Variants in ADAMTS6 observed in about 807,000 individuals in gnomAD.
ADAMTS6 encodes the protein A disintegrin and metalloproteinase with thrombospondin motifs 6.
Under a neutral mutation model 144.3 loss-of-function variants are expected in ADAMTS6, and 23 were observed. The ratio of observed to expected loss-of-function variants is 0.16; its 90% CI spans 0.11 to 0.23. ADAMTS6 has a LOEUF of 0.23. Ranked by LOEUF, ADAMTS6 falls within the 10% of genes least tolerant of loss-of-function variation. The probability of loss-of-function intolerance (pLI) is 1.00; values close to 1 mark genes in which losing one functional copy is unlikely to be tolerated. For synonymous variants in ADAMTS6, 444 were observed against 457.5 expected, an observed-to-expected ratio of 0.97 and a Z score of 0.38; for missense variants, 999 against 1,379.6, an observed-to-expected ratio of 0.72 and a Z score of 4.37.
At chr5:65,181,466 C>G (rs1470818297) in intron 22 of ADAMTS6, among the ~76,000 whole-genome samples, 3 of 152,138 alleles carry the variant, frequency 2.0e-5, no homozygotes, top group African/African-American at 7.2e-5. Context: ...TAAAGATGAA[C>G]AGTTCAGAAA....
At chr5:65,194,570 C>A (rs959777479) in intron 21 of ADAMTS6, among the ~76,000 whole-genome samples, 1 of 152,148 alleles carries the variant, frequency 6.6e-6, no homozygotes, top group Non-Finnish European at 1.5e-5. Context: ...CACCACAAGT[C>A]AAGCATATAT....
At chr5:65,175,261 GGAGA>G (rs372773284) in intron 22 of ADAMTS6, among the ~76,000 whole-genome samples, 201 of 148,456 alleles carry the variant, frequency 1.4e-3, no homozygotes, top group Middle Eastern at 3.4e-3. Flanking sequence ...AGGGAGTCAA[GGAGA>G]GAGAGAGAGA....
At chr5:65,277,883 AC>A (rs1762678921) in intron 11 of ADAMTS6, among the ~76,000 whole-genome samples, 1 of 152,042 alleles carries the variant, frequency 6.6e-6, no homozygotes, top group Admixed American at 6.6e-5. Flanking sequence ...GTTTTTTGTT[AC>A]ATGGATGAAT....
intron 7 of ADAMTS6, among the ~76,000 whole-genome samples, chr5:65,365,618 G>A (rs1213308305): frequency 6.7e-6 from 1 of 149,854 alleles, no homozygotes; most frequent in Non-Finnish European, 1.5e-5. Context: ...TTGCACTCCA[G>A]CCTGGGCAAC....
chr5:65,261,842 A>G (rs1761221925), intron 13 of ADAMTS6, among the ~76,000 whole-genome samples: 1 of 152,182 alleles, frequency 6.6e-6, no homozygotes, highest in Non-Finnish European at 1.5e-5. Context: ...AGAGTAAAAG[A>G]AAAGAAAAAA....
At chr5:65,321,148 C>G (rs992155704) in intron 9 of ADAMTS6, among the ~76,000 whole-genome samples, 2 of 152,166 alleles carry the variant, frequency 1.3e-5, no homozygotes, top group Non-Finnish European at 2.9e-5. Flanking sequence ...AATGGCTGAA[C>G]TAATTTACAC....
intron 7 of ADAMTS6, among the ~76,000 whole-genome samples, chr5:65,389,162 C>T (rs1406571516): frequency 1.3e-5 from 2 of 151,978 alleles, no homozygotes; most frequent in African/African-American, 4.8e-5. Flanking sequence ...TGAGATCGCG[C>T]CACTGCACTC....
At chr5:65,244,890 A>C (rs1759498235) in intron 14 of ADAMTS6, among the ~76,000 whole-genome samples, 1 of 152,198 alleles carries the variant, frequency 6.6e-6, no homozygotes, top group African/African-American at 2.4e-5. Flanking sequence ...TGGCCCTGTC[A>C]TTAACCAGAT....
chr5:65,427,682 C>T (rs1402150420), intron 7 of ADAMTS6, among the ~76,000 whole-genome samples: 1 of 151,454 alleles, frequency 6.6e-6, no homozygotes, highest in Non-Finnish European at 1.5e-5. Context: ...CCTGTAGTCC[C>T]AGCTACTTGG....
At chr5:65,480,143 C>T (rs1400462756) in intron 1 of ADAMTS6, among the ~76,000 whole-genome samples, 1 of 152,176 alleles carries the variant, frequency 6.6e-6, no homozygotes. Flanking sequence ...CACATCTAAA[C>T]ATTTCAGTCT....
intron 7 of ADAMTS6, among the ~76,000 whole-genome samples, chr5:65,437,105 T>TA (rs1267031911): frequency 2.6e-5 from 4 of 151,064 alleles, no homozygotes; most frequent in Non-Finnish European, 4.4e-5. Context: ...CCCATTTTTT[T>TA]TTTTTTTGAG....
In ADAMTS6 at chr5:65,352,478, T is replaced by A. The variant is rs180918614; in HGVS notation, c.1074-18393A>T. ...AGTGGGAAGGGACGGGGTAAGAAAC[T>A]GTTGCTTATCCCCATAATTATATAC... On this transcript the variant is annotated intron_variant, in intron 7 of 24. Transcript: ENST00000381055. Among the ~76,000 whole-genome samples the A allele has an allele frequency of 3.3e-5, 5 of 152,228 alleles. No homozygotes were observed. In the East Asian group the frequency reaches 7.7e-4, roughly 23 times the overall value.
At chr5:65,266,046 T>C (rs572707467) in intron 12 of ADAMTS6, among the ~76,000 whole-genome samples, 4 of 152,074 alleles carry the variant, frequency 2.6e-5, no homozygotes, top group African/African-American at 9.6e-5. Context: ...TCTTTGTATA[T>C]ACCTATGATT....
chr5:65,204,994 T>C (rs1295210162), intron 20 of ADAMTS6, among the ~76,000 whole-genome samples: 1 of 152,232 alleles, frequency 6.6e-6, no homozygotes, highest in African/African-American at 2.4e-5. Flanking sequence ...AATCTTTTAT[T>C]TAACTCTGAA....
At chr5:65,468,174 A>T (rs1760168498) in intron 3 of ADAMTS6, among the ~76,000 whole-genome samples, 1 of 152,178 alleles carries the variant, frequency 6.6e-6, no homozygotes, top group Non-Finnish European at 1.5e-5. Flanking sequence ...GAATGGTGCA[A>T]GAGTCCCAGC....
intron 7 of ADAMTS6, among the ~76,000 whole-genome samples, chr5:65,344,992 T>C (rs537401538): frequency 7.5e-4 from 114 of 151,908 alleles, no homozygotes; most frequent in African/African-American, 2.7e-3. Context: ...TTCTTACATA[T>C]CTCTCATCAA....
intron 12 of ADAMTS6, among the ~76,000 whole-genome samples, chr5:65,264,078 A>G (rs541473480): frequency 6.6e-6 from 1 of 152,298 alleles, no homozygotes; most frequent in East Asian, 1.9e-4. Context: ...GCTATACTCT[A>G]GATCAAACTG....
chr5:65,257,546 T>C (rs1252798003), intron 14 of ADAMTS6, among the ~76,000 whole-genome samples: 1 of 152,178 alleles, frequency 6.6e-6, no homozygotes, highest in East Asian at 1.9e-4. Context: ...CTTACCAATA[T>C]CCTTACGTTT....
chr5:65,390,948 T>C (rs182287361), intron 7 of ADAMTS6, among the ~76,000 whole-genome samples: 8 of 147,984 alleles, frequency 5.4e-5, no homozygotes, highest in Admixed American at 4.6e-4. Context: ...TGTTTGTTTT[T>C]TGAGGGTTTT....
Sources: gnomAD v4.1 joint callset for allele counts (sites outside exome capture counted in the v4.1 genomes callset) on GRCh38, gnomAD v4.1.1 for gene constraint, MANE v1.5 for transcripts, NCBI Gene and HGNC (gene_info 2026-07-23, HGNC 2026-07-21) for gene names.